The following PRLR variants were observed in gnomAD, a reference collection of about 807,000 sequenced individuals.
The protein encoded by PRLR is prolactin receptor, also known as hPRL receptor.
A neutral mutation model predicts 40.2 loss-of-function variants in PRLR; 13 were observed. The ratio of observed to expected loss-of-function variants is 0.32; its 90% CI spans 0.21 to 0.51. The LOEUF is 0.51. Among genes scored for constraint, PRLR ranks in the 20% least tolerant of loss-of-function variants. PRLR has a pLI of 0.97. For missense variants in PRLR, 656 were observed against 747.3 expected, an observed-to-expected ratio of 0.88 and a Z score of 1.42; for synonymous variants, 269 against 278.7, an observed-to-expected ratio of 0.97 and a Z score of 0.35.
At chr5:35,081,522 C>T (rs1046661538) in intron 5 of PRLR, 2 of 160,668 alleles carry the variant, frequency 1.2e-5, no homozygotes, top group African/African-American at 2.4e-5. Context: ...CAGGGTTATA[C>T]GAGAGTTCCG....
At chr5:35,227,789 C>T (rs1177124472) in intron 1 of PRLR, among the ~76,000 whole-genome samples, 1 of 152,200 alleles carries the variant, frequency 6.6e-6, no homozygotes, top group Non-Finnish European at 1.5e-5. Flanking sequence ...ATATTTCTCT[C>T]TACAGTTTCT....
At chr5:35,156,426 CA>C (rs1212333090) in intron 1 of PRLR, among the ~76,000 whole-genome samples, 1 of 152,170 alleles carries the variant, frequency 6.6e-6, no homozygotes, top group Non-Finnish European at 1.5e-5. Context: ...TAAGTTAAAT[CA>C]TACACTTTTC....
chr5:35,088,437 C>T (rs1770996192), intron 3 of PRLR, among the ~76,000 whole-genome samples: 1 of 152,144 alleles, frequency 6.6e-6, no homozygotes, highest in South Asian at 2.1e-4. Flanking sequence ...ATAATGAGCA[C>T]ACTCGGAAGC....
At chr5:35,128,325 C>G (rs984576101) in intron 1 of PRLR, among the ~76,000 whole-genome samples, 2 of 149,816 alleles carry the variant, frequency 1.3e-5, no homozygotes, top group Non-Finnish European at 3.0e-5. Flanking sequence ...AATACCAGAT[C>G]CACAGATGCG....
At chr5:35,183,036 GC>G (rs1402101474) in intron 1 of PRLR, among the ~76,000 whole-genome samples, 1 of 152,132 alleles carries the variant, frequency 6.6e-6, no homozygotes, top group Non-Finnish European at 1.5e-5. Flanking sequence ...ACGTTCTCTA[GC>G]CCCTCTCCCA....
At chr5:35,146,947 C>CACATACATA (rs1288326761) in intron 1 of PRLR, among the ~76,000 whole-genome samples, 12 of 151,752 alleles carry the variant, frequency 7.9e-5, no homozygotes, top group Admixed American at 1.3e-4. Context: ...ACCCACTTCA[C>CACATACATA]CACACACACA....
chr5:35,167,902 C>T (rs539842184), intron 1 of PRLR, among the ~76,000 whole-genome samples: 13 of 151,634 alleles, frequency 8.6e-5, no homozygotes, highest in Non-Finnish European at 1.9e-4. Context: ...GGTGAGACAA[C>T]AGAAAAAGAA....
At chr5:35,135,694 C>T (rs1046244184) in intron 1 of PRLR, among the ~76,000 whole-genome samples, 32 of 152,184 alleles carry the variant, frequency 2.1e-4, no homozygotes, top group Non-Finnish European at 4.0e-4. Context: ...CTAGCCAGAA[C>T]CTAACCCTAG....
intron 5 of PRLR, among the ~76,000 whole-genome samples, chr5:35,082,635 C>T (rs1166493420): frequency 6.6e-6 from 1 of 152,198 alleles, no homozygotes; most frequent in South Asian, 2.1e-4. Flanking sequence ...TAAGTGTTTT[C>T]AATGTAACTA....
Position 35,084,477 on chromosome 5 carries a change from A to G in PRLR, c.366T>C (p.Thr122=), listed in dbSNP as rs749413167. ...CACTTTCCTTCCCCTTACCTATGTA[A>G]GTCACGTCCACATAAAGTTCATCCG... ...SFSDELYVDV[T]YIVQPDPPLE... Residue 122 remains threonine (T), a synonymous_variant, in exon 5 of 10, where the codon ACT becomes ACC. Coordinates refer to ENST00000618457, the MANE Select transcript of PRLR (RefSeq NM_000949.7). 1.9e-6 allele frequency: 3 copies of G among 1,567,008 alleles called. No individual in the cohort carries two copies. In the South Asian group the frequency reaches 3.7e-5, roughly 19 times the overall value.
chr5:35,110,363 T>C (rs1772582637), intron 2 of PRLR, among the ~76,000 whole-genome samples: 1 of 149,562 alleles, frequency 6.7e-6, no homozygotes, highest in South Asian at 2.1e-4. Context: ...TAAAGTATAA[T>C]AAAAAAAAAT....
chr5:35,196,443 T>C (rs1775738598), intron 1 of PRLR, among the ~76,000 whole-genome samples: 1 of 152,222 alleles, frequency 6.6e-6, no homozygotes, highest in African/African-American at 2.4e-5. Context: ...AGGGTGTGTT[T>C]TGGGATCCAT....
intron 1 of PRLR, among the ~76,000 whole-genome samples, chr5:35,182,770 C>T (rs1775326548): frequency 6.6e-6 from 1 of 152,170 alleles, no homozygotes. Flanking sequence ...GGATTTAAAC[C>T]CCTGTGGGCT....
intron 1 of PRLR, among the ~76,000 whole-genome samples, chr5:35,170,348 C>G (rs145543671): frequency 6.6e-6 from 1 of 152,084 alleles, no homozygotes; most frequent in African/African-American, 2.4e-5. Flanking sequence ...AGTGGACAGT[C>G]AAGAGCAGAG....
At chr5:35,148,422 G>A (rs1339133659) in intron 1 of PRLR, among the ~76,000 whole-genome samples, 1 of 152,086 alleles carries the variant, frequency 6.6e-6, no homozygotes, top group Non-Finnish European at 1.5e-5. Flanking sequence ...AATTTTATCT[G>A]GGGTAGATAG....
intron 1 of PRLR, among the ~76,000 whole-genome samples, chr5:35,227,019 A>G (rs1302240901): frequency 6.6e-6 from 1 of 152,242 alleles, no homozygotes; most frequent in African/African-American, 2.4e-5. Context: ...AACATTCCAG[A>G]GCTCTGTTTA....
intron 5 of PRLR, among the ~76,000 whole-genome samples, chr5:35,082,356 A>G (rs578047325): frequency 6.6e-6 from 1 of 152,318 alleles, no homozygotes; most frequent in East Asian, 1.9e-4. Context: ...TTATACAAAA[A>G]CGCAAATAAA....
intron 1 of PRLR, among the ~76,000 whole-genome samples, chr5:35,126,820 T>C (rs1773485229): frequency 1.3e-5 from 2 of 152,232 alleles, no homozygotes; most frequent in Non-Finnish European, 2.9e-5. Context: ...GGACATCTGG[T>C]ACGTGCCAGG....
At chr5:35,102,477 TCCCGTCCCGTCTCCTCTCCA>T (rs1334984389) in intron 2 of PRLR, among the ~76,000 whole-genome samples, 1 of 149,452 alleles carries the variant, frequency 6.7e-6, no homozygotes, top group African/African-American at 2.5e-5. Context: ...TCCCGTCCCG[TCCCGTCCCGTCTCCTCTCCA>T]CTCCTCTCCT....
Sources: allele counts gnomAD v4.1 joint callset (sites outside exome capture counted in the v4.1 genomes callset), GRCh38; gene constraint gnomAD v4.1.1; transcripts MANE v1.5; gene names NCBI Gene and HGNC (gene_info 2026-07-23, HGNC 2026-07-21).